Variants in THUMPD2 observed in about 807,000 individuals in gnomAD.
THUMPD2 encodes the protein THUMP domain 2 tRNA and snRNA guanosine methyltransferase.
A neutral mutation model predicts 49.4 loss-of-function variants in THUMPD2; 56 were observed. That is an observed-to-expected ratio of 1.13 (90% CI 0.91 to 1.41). The LOEUF (loss-of-function observed/expected upper bound fraction) is 1.41, where lower values mean the gene tolerates loss of function less well. THUMPD2 is among the 40% of genes most tolerant of loss of function. The pLI is 0.00. For synonymous variants in THUMPD2, 237 were observed against 205.2 expected (o/e 1.15, Z -1.32); for missense variants, 709 against 594.5 (o/e 1.19, Z -2.00).
chr2:39,758,333 G>A (rs566278322), intron 6 of THUMPD2, among the ~76,000 whole-genome samples: 2 of 152,276 alleles, frequency 1.3e-5, no homozygotes, highest in African/African-American at 4.8e-5. Flanking sequence ...CTGGTAATCT[G>A]AAAGAGGCTC....
At chr2:39,769,353 C>A in intron 3 of THUMPD2, 1 of 230,400 alleles carries the variant, frequency 4.3e-6, no homozygotes, top group Non-Finnish European at 8.7e-6. Context: ...GTTATTTGTT[C>A]TGTGAGAGGT....
At chr2:39,765,735 A>G (rs985042831) in intron 5 of THUMPD2, among the ~76,000 whole-genome samples, 3 of 152,214 alleles carry the variant, frequency 2.0e-5, no homozygotes, top group Middle Eastern at 3.4e-3. Context: ...AAGGCACTGG[A>G]GTAGGGCAGC....
chr2:39,737,845 C>T lies in THUMPD2; in HGVS notation c.1188-786G>A, dbSNP rs188216089. Among the ~76,000 whole-genome samples, 79 of 152,114 alleles carry T rather than the reference C, an allele frequency of 5.2e-4. 1 individual carries two copies. In the East Asian group the frequency reaches 0.01, roughly 20 times the overall value. Reference sequence around the variant, plus strand: ...CTGGAAGCAGAAAAAGCAGCAAAGACGGGAGGAAGTGGAGAGGAGGCAGCT... The same window carrying T: ...CTGGAAGCAGAAAAAGCAGCAAAGATGGGAGGAAGTGGAGAGGAGGCAGCT... On this transcript the variant is annotated intron_variant, in intron 9 of 9. Transcript: ENST00000505747.
At chr2:39,778,774 C>T (rs1477368030) in intron 1 of THUMPD2, among the ~76,000 whole-genome samples, 1 of 152,234 alleles carries the variant, frequency 6.6e-6, no homozygotes, top group African/African-American at 2.4e-5. Flanking sequence ...ATTATGTTTG[C>T]ATTTAAAGAG....
rs571811251 is a variant in THUMPD2 at position 39,763,504 on chromosome 2, T to G, written c.804-2086A>C. Among the ~76,000 whole-genome samples, 88 of 151,970 alleles carry G rather than the reference T, an allele frequency of 5.8e-4. 1 individual carries two copies. The highest frequency in any genetic ancestry group is 2.0e-3 in the African/African-American group (82 of 41,520). On this transcript the variant is annotated intron_variant, in intron 5 of 9. Transcript: ENST00000505747. ...GACATTTTTCACTGAATACACTGTT[T>G]TCTTTCCCTACATTTTGTATCTCAG...
At chr2:39,766,860 AT>A (rs1215112141) in intron 4 of THUMPD2, among the ~76,000 whole-genome samples, 1 of 152,238 alleles carries the variant, frequency 6.6e-6, no homozygotes, top group African/African-American at 2.4e-5. Context: ...GAGTGATTCC[AT>A]TTGGTCAATT....
At chr2:39,752,824 A>G (rs1425142829) in intron 8 of THUMPD2, among the ~76,000 whole-genome samples, 2 of 152,166 alleles carry the variant, frequency 1.3e-5, no homozygotes, top group Non-Finnish European at 2.9e-5. Flanking sequence ...AAAAATTATA[A>G]TCTCCAGTAT....
chr2:39,758,380 C>A (rs1182693256), intron 6 of THUMPD2, among the ~76,000 whole-genome samples: 3 of 152,182 alleles, frequency 2.0e-5, no homozygotes, highest in African/African-American at 7.2e-5. Context: ...TTTGCTTCTG[C>A]TGAGCCAAGT....
At chr2:39,752,620 C>G (rs1675559140) in intron 8 of THUMPD2, among the ~76,000 whole-genome samples, 1 of 152,118 alleles carries the variant, frequency 6.6e-6, no homozygotes. Context: ...TAGACTGAAA[C>G]TTAATACTAA....
chr2:39,736,878 A>C lies in THUMPD2; in HGVS notation c.1369T>G (p.Ser457Ala), dbSNP rs1264501265. ...KTGAFKTAST[S>A]FEASNHKFLD... The stretch of plus-strand genomic sequence containing the variant: ...AATTTGTGGTTACTGGCTTCGAATG[A>C]AGTTGACGCTGTCTTGAATGCACCA... Residue 457 changes from serine (S) to alanine (A), a missense_variant, in exon 10 of 10, where the codon TCA (serine) becomes GCA (alanine). Physicochemically the swap from Ser to Ala is moderately conservative, Grantham distance 99. Coordinates refer to ENST00000505747, the MANE Select transcript of THUMPD2 (RefSeq NM_025264.5). The C allele has an allele frequency of 6.2e-7, 1 of 1,614,208 alleles. No individual in the cohort carries two copies. Among genetic ancestry groups the C allele is most frequent in the Non-Finnish European group, 8.5e-7 (1 of 1,180,026 alleles).
intron 9 of THUMPD2, among the ~76,000 whole-genome samples, chr2:39,742,660 AG>A (rs1324331249): frequency 6.6e-6 from 1 of 152,214 alleles, no homozygotes; most frequent in Non-Finnish European, 1.5e-5. Flanking sequence ...TTAAAGGTAT[AG>A]ATGCAGATTA....
intron 1 of THUMPD2, among the ~76,000 whole-genome samples, chr2:39,776,101 T>A (rs1227640435): frequency 6.6e-6 from 1 of 152,214 alleles, no homozygotes; most frequent in South Asian, 2.1e-4. Flanking sequence ...AGTCTTACAA[T>A]AAATAGCAGT....
At chr2:39,751,133 C>A (rs1675343383) in intron 8 of THUMPD2, among the ~76,000 whole-genome samples, 1 of 152,262 alleles carries the variant, frequency 6.6e-6, no homozygotes, top group Admixed American at 6.5e-5. Context: ...CCCAAATGGG[C>A]AGCCTGGCAG....
At chr2:39,737,143 T>A (rs1673194365) in intron 9 of THUMPD2, 84 bp from the exon 10 acceptor site, 1 of 1,284,578 alleles carries the variant, frequency 7.8e-7, no homozygotes. Context: ...TGGTTCATGT[T>A]TTTAATTTGA....
chr2:39,779,021 C>T, intron 1 of THUMPD2, 93 bp downstream of exon 1: 2 of 1,341,050 alleles, frequency 1.5e-6, no homozygotes, highest in East Asian at 3.1e-5. Context: ...GAGAGGGGCG[C>T]CAGCGACGCT....
chr2:39,749,712 A>C (rs2148223423), intron 8 of THUMPD2, among the ~76,000 whole-genome samples: 1 of 152,230 alleles, frequency 6.6e-6, no homozygotes, highest in East Asian at 1.9e-4. Flanking sequence ...CCTTGGTAAT[A>C]AGACCAGCAT....
intron 4 of THUMPD2, among the ~76,000 whole-genome samples, chr2:39,767,992 G>T (rs554085548): frequency 6.6e-6 from 1 of 151,982 alleles, no homozygotes; most frequent in African/African-American, 2.4e-5. Context: ...ATTAATTTTG[G>T]AAAATAAAAA....
At chr2:39,744,026 A>G (rs946711740) in intron 9 of THUMPD2, among the ~76,000 whole-genome samples, 3 of 144,658 alleles carry the variant, frequency 2.1e-5, no homozygotes, top group Non-Finnish European at 4.5e-5. Context: ...GTGGGGGATT[A>G]ACACAGAGAA....
chr2:39,768,582 C>T (rs1055001663), intron 3 of THUMPD2, 81 bp from the exon 4 acceptor site: 4 of 1,135,734 alleles, frequency 3.5e-6, no homozygotes, highest in Non-Finnish European at 5.2e-6. Flanking sequence ...AACAGAGTAG[C>T]CTATAAGAAA....
Sources: gnomAD v4.1 joint callset for allele counts (sites outside exome capture counted in the v4.1 genomes callset) on GRCh38, gnomAD v4.1.1 for gene constraint, MANE v1.5 for transcripts, NCBI Gene and HGNC (gene_info 2026-07-23, HGNC 2026-07-21) for gene names.